ZNF334: variants seen among roughly 807,000 people sequenced by gnomAD.
ZNF334 encodes the protein zinc finger protein 334.
In ZNF334, 14 loss-of-function variants were observed where a neutral mutation model predicts 12.4. The ratio of observed to expected loss-of-function variants is 1.13; its 90% CI spans 0.74 to 1.76. The LOEUF is 1.76. Ranked by LOEUF, ZNF334 falls within the 40% of genes most tolerant of loss-of-function variation. The pLI, the probability that ZNF334 is intolerant of heterozygous loss-of-function variation, is 0.00. For synonymous variants in ZNF334, 273 were observed against 269.6 expected (o/e 1.01, Z -0.12); for missense variants, 797 against 804.5 (o/e 0.99, Z 0.11).
chr20:46,493,228 A>G, the ZNF334 span, among the ~76,000 whole-genome samples: 1 of 152,224 alleles, frequency 6.6e-6, no homozygotes, highest in Non-Finnish European at 1.5e-5. Context: ...TCCATAATCT[A>G]CTTTCACTGG....
the ZNF334 span, among the ~76,000 whole-genome samples, chr20:46,478,150 G>C: frequency 1.3e-5 from 2 of 152,150 alleles, no homozygotes; most frequent in African/African-American, 2.4e-5. Context: ...TAAAACATTT[G>C]AAGAGATTTA....
chr20:46,473,028 T>C, the ZNF334 span, among the ~76,000 whole-genome samples: 1 of 152,254 alleles, frequency 6.6e-6, no homozygotes, highest in African/African-American at 2.4e-5. Context: ...TGTAGACCTA[T>C]TCATATTTTC....
the ZNF334 span, among the ~76,000 whole-genome samples, chr20:46,469,876 G>T: frequency 6.6e-6 from 1 of 152,158 alleles, no homozygotes; most frequent in Non-Finnish European, 1.5e-5. Context: ...ACTGATGGGG[G>T]ACCCATCACA....
downstream of ZNF334, among the ~76,000 whole-genome samples, chr20:46,496,352 T>C (rs2061024214): frequency 6.6e-6 from 1 of 152,208 alleles, no homozygotes; most frequent in Non-Finnish European, 1.5e-5. Flanking sequence ...AGGATCTGTT[T>C]CCTGGGGCCA....
rs745940531 is a variant in ZNF334, at chr20:46,502,041, T to C, written c.1298A>G (p.Tyr433Cys). The part of the protein sequence containing the change: ...HRRSHTGEKP[Y>C]ECSQCGKFLC... ...AAATTTTCCACATTGACTGCATTCA[T>C]AGGGCTTCTCTCCTGTATGACTTCT... The change falls in exon 5 of 5, where the codon TAT becomes TGT. Residue 433 changes from tyrosine to cysteine, a missense_variant. By Grantham distance (194) the Tyr-to-Cys change is radical. Coordinates refer to ENST00000692313, the MANE Select transcript of ZNF334 (RefSeq NM_001353824.2). The C allele has an allele frequency of 3.7e-6, 6 of 1,614,182 alleles. No individual in the cohort carries two copies. The South Asian group carries it at 4.4e-5, about 12-fold the overall frequency.
rs1161710659 is a variant in ZNF334 at position 46,502,293 on chromosome 20, T to G, written c.1046A>C (p.Tyr349Ser). The change falls in exon 5 of 5, where the codon TAC becomes TCC. Residue 349 changes from tyrosine to serine, a missense_variant. Transcript: ENST00000692313. ...GGCATTTCCACATTCCTTGCATTCG[T>G]AAGGCTTCTCCCCTGTGTGTGACCT... ...HFRSHTGEKPYECKECGNAFS... is the reference protein window; with the variant it reads ...HFRSHTGEKPSECKECGNAFS... The G allele has an allele frequency of 1.2e-6, 2 of 1,614,028 alleles. No individual in the cohort carries two copies. Among genetic ancestry groups the G allele is most frequent in the Admixed American group, 3.3e-5 (2 of 60,010 alleles).
At position 46,502,094 on chromosome 20, in the gene ZNF334, AAAG is replaced by A. The variant is rs769847405; in HGVS notation, c.1242_1244del (p.Phe415del). 2.2e-5 allele frequency: 36 copies of A among 1,614,066 alleles called. No individual in the cohort carries two copies. Among genetic ancestry groups the A allele is most frequent in the Admixed American group, 1.0e-4 (6 of 59,998 alleles). Reference sequence around the variant, plus strand: ...GATGCACATTGAGGGCAGATTGACAAAAGAAGGTTTTCTCACATTCACTACATT... The same window carrying A: ...GATGCACATTGAGGGCAGATTGACAAAAGGTTTTCTCACATTCACTACATT... On this transcript the variant is annotated inframe_deletion, in exon 5 of 5. Transcript: ENST00000692313.
At chr20:46,483,803 A>G in the ZNF334 span, among the ~76,000 whole-genome samples, 4 of 152,208 alleles carry the variant, frequency 2.6e-5, no homozygotes, top group Admixed American at 2.6e-4. Flanking sequence ...TTTTCATGTA[A>G]AAAACTAGTC....
intron 2 of ZNF334, among the ~76,000 whole-genome samples, chr20:46,508,621 CA>C (rs540409962): frequency 1.5e-3 from 236 of 152,296 alleles, no homozygotes; most frequent in Non-Finnish European, 3.2e-3. Flanking sequence ...TCCCTTCCAT[CA>C]GGGGCATGTG....
the ZNF334 span, among the ~76,000 whole-genome samples, chr20:46,488,419 T>TTATA: frequency 0.037 from 3,751 of 102,284 alleles, 352 homozygotes; most frequent in Admixed American, 0.17. Context: ...AGCTCTTATT[T>TTATA]TATATATATA....
the ZNF334 span, among the ~76,000 whole-genome samples, chr20:46,478,405 A>G: frequency 1.3e-5 from 2 of 152,344 alleles, no homozygotes; most frequent in African/African-American, 4.8e-5. Flanking sequence ...TGAAAGGATT[A>G]AGTTATTACC....
chr20:46,499,331 CTA>C (rs1220038624), downstream of ZNF334, among the ~76,000 whole-genome samples: 1 of 152,066 alleles, frequency 6.6e-6, no homozygotes, highest in African/African-American at 2.4e-5. Flanking sequence ...GTCTCCAGAA[CTA>C]TGAGATGTAT....
rs2061117235 is a variant in ZNF334, at chr20:46,500,472, A to G, written c.*824T>C. On this transcript the variant is annotated 3_prime_UTR_variant, in exon 5 of 5. Coordinates refer to ENST00000692313, the MANE Select transcript of ZNF334 (RefSeq NM_001353824.2). ...GAGATTTTTGAAAACATACTAATTG[A>G]CATAAACCACTGGTAGATGGGGTTG... 1 of 152,254 alleles carries G rather than the reference A, an allele frequency of 6.6e-6. No homozygotes were observed. The highest frequency in any genetic ancestry group is 1.5e-5 in the Non-Finnish European group (1 of 68,036). 9.4% of individuals were successfully genotyped at this position (152,254 alleles called of 1,614,324 possible).
At chr20:46,491,839 T>A in the ZNF334 span, 1 of 153,666 alleles carries the variant, frequency 6.5e-6, no homozygotes. Flanking sequence ...GTAATGAATG[T>A]GGAAAGACCT....
At chr20:46,493,068 A>G in the ZNF334 span, among the ~76,000 whole-genome samples, 1 of 149,236 alleles carries the variant, frequency 6.7e-6, no homozygotes, top group African/African-American at 2.5e-5. Context: ...AGCCTGGGTG[A>G]CAGGGTGAGA....
At chr20:46,485,653 G>A in the ZNF334 span, 1 of 152,120 alleles carries the variant, frequency 6.6e-6, no homozygotes, top group Non-Finnish European at 1.5e-5. Context: ...AGGGAAGGCA[G>A]CTCATTCATA....
the ZNF334 span, among the ~76,000 whole-genome samples, chr20:46,480,748 T>C: frequency 2.0e-5 from 3 of 152,132 alleles, no homozygotes; most frequent in African/African-American, 7.2e-5. Flanking sequence ...TCCATATAGG[T>C]AGGCTCAGAT....
rs1014609900 is a variant in ZNF334, at chr20:46,509,411, A to T, written c.21+2671T>A. 2.0e-5 allele frequency among the ~76,000 whole-genome samples: 3 copies of T among 152,314 alleles called. No homozygotes were observed. The Middle Eastern group carries it at 0.01, about 518-fold the overall frequency. Reference sequence around the variant, plus strand: ...AAGGGAGGAAAGAAAGGATGTAAACAATGAGATATGAGAGGCATTAGCATG... The same window carrying T: ...AAGGGAGGAAAGAAAGGATGTAAACTATGAGATATGAGAGGCATTAGCATG... On this transcript the variant is annotated intron_variant, in intron 2 of 4. Transcript: ENST00000692313.
chr20:46,510,561 TA>T (rs1285535136), intron 2 of ZNF334, among the ~76,000 whole-genome samples: 1 of 151,542 alleles, frequency 6.6e-6, no homozygotes, highest in Non-Finnish European at 1.5e-5. Context: ...CCGTCTCTAC[TA>T]AAAAATACAA....
Sources: gnomAD v4.1 joint callset for allele counts (sites outside exome capture counted in the v4.1 genomes callset) on GRCh38, gnomAD v4.1.1 for gene constraint, MANE v1.5 for transcripts, NCBI Gene and HGNC (gene_info 2026-07-23, HGNC 2026-07-21) for gene names.